Variants in PXDC1 observed in about 807,000 individuals in gnomAD.
The protein encoded by PXDC1 is PX domain containing 1.
Under a neutral mutation model 24.4 loss-of-function variants are expected in PXDC1, and 13 were observed. The observed-to-expected ratio is 0.53, with a 90% CI of 0.35 to 0.85. The LOEUF (loss-of-function observed/expected upper bound fraction) is 0.85, where lower values mean the gene tolerates loss of function less well. Ranked by LOEUF, PXDC1 falls within the 40% of genes least tolerant of loss-of-function variation. The pLI is 0.01. For synonymous variants in PXDC1, 162 were observed against 124.9 expected (o/e 1.30, Z -1.98); for missense variants, 344 against 309.3 (o/e 1.11, Z -0.84).
At chr6:3,745,469 AC>A (rs1166215317) in intron 1 of PXDC1, among the ~76,000 whole-genome samples, 2 of 152,234 alleles carry the variant, frequency 1.3e-5, no homozygotes, top group South Asian at 2.1e-4. Context: ...TCAACAGTGC[AC>A]CCGAGGCTTG....
chr6:3,744,514 T>G (rs1438987735), intron 1 of PXDC1, among the ~76,000 whole-genome samples: 1 of 151,424 alleles, frequency 6.6e-6, no homozygotes, highest in Non-Finnish European at 1.5e-5. Flanking sequence ...TGAAAGGGGT[T>G]GGGGAAAGAG....
intron 3 of PXDC1, among the ~76,000 whole-genome samples, chr6:3,734,144 C>A (rs554416871): frequency 6.6e-6 from 1 of 152,228 alleles, no homozygotes; most frequent in Non-Finnish European, 1.5e-5. Context: ...TGAGACTCTA[C>A]GTTTCTCCCT....
intron 3 of PXDC1, among the ~76,000 whole-genome samples, chr6:3,729,759 C>G (rs1399334506): frequency 6.6e-6 from 1 of 152,198 alleles, no homozygotes; most frequent in Non-Finnish European, 1.5e-5. Context: ...TTGGGAAGCA[C>G]ATAAAACCTC....
intron 4 of PXDC1, among the ~76,000 whole-genome samples, chr6:3,726,995 T>C (rs964997413): frequency 6.6e-6 from 1 of 152,200 alleles, no homozygotes; most frequent in African/African-American, 2.4e-5. Flanking sequence ...GGGACCCTGG[T>C]GCCCCCAGAA....
rs17855666 is a variant in PXDC1 at position 3,727,563 on chromosome 6, G to A, written c.566C>T (p.Pro189Leu). 3 of 1,604,402 alleles carry A rather than the reference G, an allele frequency of 1.9e-6. No homozygotes were observed. The highest frequency in any genetic ancestry group is 2.7e-5 in the African/African-American group (2 of 74,816). ...TCAGCATACTTACAAATGCTCTGTT[G>A]GGTCCACGCCCAGCTGCTGGTCTCT... ...NGRDQQLGVD[P>L]TEHLFENGSE... Residue 189 changes from proline to leucine, a missense_variant, in exon 4 of 5, where the codon CCA becomes CTA. Coordinates refer to ENST00000380283, the MANE Select transcript of PXDC1 (RefSeq NM_183373.4).
chr6:3,726,138 C>A (rs1039598844), intron 4 of PXDC1, among the ~76,000 whole-genome samples: 4 of 152,162 alleles, frequency 2.6e-5, no homozygotes, highest in African/African-American at 9.7e-5. Context: ...AAGGGGTCCC[C>A]TTGCAAACAC....
In PXDC1 at chr6:3,737,592, C is replaced by T; in HGVS notation, c.349-396G>A. 1.1e-6 allele frequency: 1 copy of T among 928,762 alleles called. No homozygotes were observed. The highest frequency in any genetic ancestry group is 1.3e-6 in the Non-Finnish European group (1 of 778,306). 57.5% of individuals were successfully genotyped at this position (928,762 alleles called of 1,614,324 possible). Reference sequence around the variant, plus strand: ...CTCAAGTCCAGGTTCTTAACCACCACTCACGACGAAGCCCGCAGGCTTACA... The same window carrying T: ...CTCAAGTCCAGGTTCTTAACCACCATTCACGACGAAGCCCGCAGGCTTACA... On this transcript the variant is annotated intron_variant, in intron 2 of 4. Coordinates refer to ENST00000380283, the MANE Select transcript of PXDC1 (RefSeq NM_183373.4). The surrounding 1 kb of genome is among the most constrained non-coding windows in gnomAD (Gnocchi z 5.5).
Position 3,723,610 on chromosome 6 carries a change from T to TA in PXDC1, c.*8dup, listed in dbSNP as rs1561728651. ...AACAGCTGAGGCGGGGGAGGCCTGA[T>TA]AGAGAGGTTCAGTCCCAAATGTCTG... On this transcript the variant is annotated 3_prime_UTR_variant, in exon 5 of 5. Transcript: ENST00000380283. 2 of 1,599,642 alleles carry TA rather than the reference T, an allele frequency of 1.3e-6. No homozygotes were observed. Among genetic ancestry groups the TA allele is most frequent in the Admixed American group, 3.3e-5 (2 of 59,988 alleles).
chr6:3,727,777 CT>C, intron 3 of PXDC1, 115 bp from the exon 4 acceptor site: 1 of 686,736 alleles, frequency 1.5e-6, no homozygotes, highest in South Asian at 1.7e-5. Flanking sequence ...CCGTGCCTCT[CT>C]TCCACACCGT....
intron 3 of PXDC1, among the ~76,000 whole-genome samples, chr6:3,735,842 T>C (rs567956258): frequency 4.6e-5 from 7 of 152,314 alleles, no homozygotes; most frequent in Admixed American, 3.9e-4. Flanking sequence ...AATATACACA[T>C]GTATCAAAAC....
At chr6:3,748,161 G>A (rs1450989563) in intron 1 of PXDC1, among the ~76,000 whole-genome samples, 2 of 152,192 alleles carry the variant, frequency 1.3e-5, no homozygotes, top group African/African-American at 4.8e-5. Context: ...ACCATGTTAG[G>A]TATCGCACAG....
chr6:3,737,527 G>T lies in PXDC1; in HGVS notation c.349-331C>A, dbSNP rs921376187. On this transcript the variant is annotated intron_variant, in intron 2 of 4. Transcript: ENST00000380283. The surrounding 1 kb of genome is among the most constrained non-coding windows in gnomAD (Gnocchi z 5.5). The stretch of plus-strand genomic sequence containing the variant: ...GTCCACTCTCCCCACTGGCCAGAAA[G>T]AAAGGGAAGCTTCCAGGAGCTAAGG... 2 of 335,436 alleles carry T rather than the reference G, an allele frequency of 6.0e-6. No homozygotes were observed. Among genetic ancestry groups the T allele is most frequent in the Admixed American group, 1.3e-4 (2 of 15,500 alleles). The allele number at this position is 335,436 out of a possible 1,614,324, so 20.8% of individuals were successfully genotyped here.
At chr6:3,727,956 A>T (rs566910162) in intron 3 of PXDC1, among the ~76,000 whole-genome samples, 3 of 152,256 alleles carry the variant, frequency 2.0e-5, no homozygotes, top group Admixed American at 1.3e-4. Flanking sequence ...TTCAAGCTGG[A>T]GTACAAAGAA....
intron 4 of PXDC1, among the ~76,000 whole-genome samples, chr6:3,726,019 C>T (rs142576215): frequency 3.4e-4 from 52 of 152,312 alleles, no homozygotes; most frequent in African/African-American, 1.2e-3. Flanking sequence ...ACCTCTGGCC[C>T]GGCTTTCTTC....
intron 1 of PXDC1, chr6:3,738,711 C>T: frequency 8.5e-7 from 1 of 1,176,134 alleles, no homozygotes; most frequent in Non-Finnish European, 1.1e-6. Flanking sequence ...ATGCCACTTT[C>T]CAGGAATCTG....
At chr6:3,744,450 T>TC (rs113901915) in intron 1 of PXDC1, among the ~76,000 whole-genome samples, 9,217 of 149,832 alleles carry the variant, frequency 0.062, 943 homozygotes, top group African/African-American at 0.22. Context: ...CAGCAGGGGA[T>TC]CCCCCCCACA....
chr6:3,723,011 C>G lies in PXDC1; in HGVS notation c.*608G>C, dbSNP rs1054045414. ...TCCCTGCCCTGCAGCCAATACCCCCCACTGTGCTGGGCCTTCTGCAAATAC... is the reference window on the plus strand; with the variant it reads ...TCCCTGCCCTGCAGCCAATACCCCCGACTGTGCTGGGCCTTCTGCAAATAC... On this transcript the variant is annotated 3_prime_UTR_variant, in exon 5 of 5. Transcript: ENST00000380283. 1 of 152,212 alleles carries G rather than the reference C, an allele frequency of 6.6e-6. No homozygotes were observed. Among genetic ancestry groups the G allele is most frequent in the Non-Finnish European group, 1.5e-5 (1 of 68,130 alleles). 9.4% of individuals were successfully genotyped at this position (152,212 alleles called of 1,614,324 possible). A position where few individuals can be genotyped will look rare whatever the true frequency, so the allele number is the denominator to read the frequency against.
chr6:3,732,605 C>A (rs1760224044), intron 3 of PXDC1, among the ~76,000 whole-genome samples: 1 of 152,200 alleles, frequency 6.6e-6, no homozygotes, highest in Non-Finnish European at 1.5e-5. Context: ...AGCATTGGGA[C>A]AAAGAATGAT....
chr6:3,745,833 A>G (rs934913805), intron 1 of PXDC1, among the ~76,000 whole-genome samples: 4 of 152,100 alleles, frequency 2.6e-5, no homozygotes, highest in African/African-American at 9.7e-5. Flanking sequence ...GCTGTCCACC[A>G]TGTGTTTTCT....
Sources: allele counts gnomAD v4.1 joint callset (sites outside exome capture counted in the v4.1 genomes callset), GRCh38; gene constraint gnomAD v4.1.1; non-coding constraint Gnocchi (gnomAD v3.1); transcripts MANE v1.5; gene names NCBI Gene and HGNC (gene_info 2026-07-23, HGNC 2026-07-21).